DLGAP2: variants seen among roughly 807,000 people sequenced by gnomAD.
DLGAP2 encodes disks large-associated protein 2.
DLGAP2 carries 26 observed loss-of-function variants against 100.3 expected under a neutral mutation model. The observed-to-expected ratio is 0.26, with a 90% confidence interval of 0.19 to 0.36. The LOEUF (loss-of-function observed/expected upper bound fraction) is 0.36. Among genes scored for constraint, DLGAP2 ranks in the 10% least tolerant of loss-of-function variants. DLGAP2 has a pLI of 1.00. For synonymous variants in DLGAP2, 886 were observed against 630.1 expected, an observed-to-expected ratio of 1.41 and a Z score of -6.08; for missense variants, 1,858 against 1,453.2, an observed-to-expected ratio of 1.28 and a Z score of -4.53.
At chr8:1,648,556 C>T (rs181679980) in intron 8 of DLGAP2, among the ~76,000 whole-genome samples, 1 of 152,216 alleles carries the variant, frequency 6.6e-6, no homozygotes, top group East Asian at 1.9e-4. Context: ...CATTGGTCCC[C>T]TCATTGGTCC....
chr8:1,590,847 C>A (rs551825173), intron 6 of DLGAP2, among the ~76,000 whole-genome samples: 4 of 151,854 alleles, frequency 2.6e-5, no homozygotes, highest in Non-Finnish European at 5.9e-5. Flanking sequence ...TGAGCCCCAC[C>A]CCTGGCAGAG....
At chr8:972,721 C>A (rs1393756151) in intron 2 of DLGAP2, among the ~76,000 whole-genome samples, 1 of 151,714 alleles carries the variant, frequency 6.6e-6, no homozygotes, top group Non-Finnish European at 1.5e-5. Flanking sequence ...AGCAGATAAA[C>A]AAGTGAACAA....
At chr8:836,298 AC>A (rs1204070090) in intron 1 of DLGAP2, among the ~76,000 whole-genome samples, 2 of 152,080 alleles carry the variant, frequency 1.3e-5, no homozygotes, top group African/African-American at 4.8e-5. Flanking sequence ...TGTGGAGTAG[AC>A]GCTGTGCAGC....
intron 1 of DLGAP2, among the ~76,000 whole-genome samples, chr8:782,406 C>T (rs899844526): frequency 6.6e-6 from 1 of 152,096 alleles, no homozygotes; most frequent in African/African-American, 2.4e-5. Flanking sequence ...TACATACTCT[C>T]TCACTAGGCC....
chr8:1,108,746 G>T (rs986840953), intron 2 of DLGAP2, among the ~76,000 whole-genome samples: 2 of 132,966 alleles, frequency 1.5e-5, no homozygotes, highest in Non-Finnish European at 3.1e-5. Context: ...CCTATGAAGT[G>T]TGCTGGGTCT....
intron 6 of DLGAP2, among the ~76,000 whole-genome samples, chr8:1,586,452 C>G (rs899941361): frequency 6.6e-6 from 1 of 152,018 alleles, no homozygotes; most frequent in African/African-American, 2.4e-5. Context: ...CATCGATCTC[C>G]GACTTGCTCT....
chr8:1,595,033 T>C (rs1457119696), intron 6 of DLGAP2, among the ~76,000 whole-genome samples: 1 of 151,802 alleles, frequency 6.6e-6, no homozygotes, highest in Admixed American at 6.6e-5. Context: ...CTCCTGGGGT[T>C]TCTTTTTTTT....
chr8:1,529,177 G>A (rs1300986806), intron 4 of DLGAP2, among the ~76,000 whole-genome samples: 5 of 152,228 alleles, frequency 3.3e-5, no homozygotes, highest in Admixed American at 6.5e-5. Context: ...TGAAGGGGAA[G>A]CAAGGCACCT....
At chr8:1,187,766 C>G (rs1168887378) in intron 2 of DLGAP2, among the ~76,000 whole-genome samples, 6 of 143,066 alleles carry the variant, frequency 4.2e-5, no homozygotes, top group Admixed American at 6.7e-5. Context: ...CACGGAATCT[C>G]ACACGCCCGG....
chr8:1,358,705 C>T (rs933045939), intron 3 of DLGAP2, among the ~76,000 whole-genome samples: 1 of 152,022 alleles, frequency 6.6e-6, no homozygotes, highest in African/African-American at 2.4e-5. Flanking sequence ...GTGTTATCCC[C>T]ACTGTGTAAT....
chr8:835,888 T>C (rs1467603275), intron 1 of DLGAP2, among the ~76,000 whole-genome samples: 2 of 152,202 alleles, frequency 1.3e-5, no homozygotes, highest in Non-Finnish European at 2.9e-5. Context: ...ACTGCTTTCC[T>C]GTTACGCTGC....
chr8:893,888 C>T (rs1353500335), intron 1 of DLGAP2, among the ~76,000 whole-genome samples: 6 of 152,190 alleles, frequency 3.9e-5, no homozygotes, highest in South Asian at 2.1e-4. Flanking sequence ...GTGGTTGTCT[C>T]GGAGTGCAGA....
chr8:1,653,233 G>T (rs538528662), intron 8 of DLGAP2, among the ~76,000 whole-genome samples: 1 of 152,010 alleles, frequency 6.6e-6, no homozygotes, highest in Non-Finnish European at 1.5e-5. Context: ...CTGGAGACAC[G>T]GGCAGCACGT....
intron 1 of DLGAP2, among the ~76,000 whole-genome samples, chr8:855,892 G>T (rs1347457319): frequency 6.6e-6 from 1 of 152,074 alleles, no homozygotes; most frequent in Non-Finnish European, 1.5e-5. Context: ...GGATGGGGGA[G>T]AACTTCCTGA....
At chr8:1,448,951 G>C (rs149648190) in intron 3 of DLGAP2, among the ~76,000 whole-genome samples, 55 of 152,334 alleles carry the variant, frequency 3.6e-4, no homozygotes, top group African/African-American at 1.3e-3. Context: ...AGGAAGCAAA[G>C]TCTGTGTCCT....
At chr8:1,155,682 C>T (rs1796770382) in intron 2 of DLGAP2, among the ~76,000 whole-genome samples, 1 of 152,158 alleles carries the variant, frequency 6.6e-6, no homozygotes, top group South Asian at 2.1e-4. Flanking sequence ...TCCGAGGCCC[C>T]CAGGCCCCTC....
Position 780,584 on chromosome 8 carries a change from T to C in DLGAP2, c.18+42759T>C, listed in dbSNP as rs1018978883. ...AGCATTTCACTAATTTACCTTCCCG[T>C]CAGTGGTGAACGTGAGTCCCCTTCA... On this transcript the variant is annotated intron_variant, in intron 1 of 14. Transcript: ENST00000637795. 3.3e-5 allele frequency among the ~76,000 whole-genome samples: 5 copies of C among 152,236 alleles called. No individual in the cohort carries two copies. In the East Asian group the frequency reaches 5.8e-4, roughly 18 times the overall value.
chr8:1,596,459 G>C (rs1796462343), intron 6 of DLGAP2, among the ~76,000 whole-genome samples: 1 of 152,164 alleles, frequency 6.6e-6, no homozygotes, highest in Non-Finnish European at 1.5e-5. Flanking sequence ...CGGTCTTCCA[G>C]AATGGTTGAA....
At chr8:1,684,108 A>C (rs564709428) in intron 12 of DLGAP2, among the ~76,000 whole-genome samples, 1 of 151,072 alleles carries the variant, frequency 6.6e-6, no homozygotes, top group South Asian at 2.1e-4. Flanking sequence ...CAGCCTCCTG[A>C]GTAGCTGGGA....
Sources: allele counts gnomAD v4.1 joint callset (sites outside exome capture counted in the v4.1 genomes callset), GRCh38; gene constraint gnomAD v4.1.1; transcripts MANE v1.5; gene names NCBI Gene and HGNC (gene_info 2026-07-23, HGNC 2026-07-21).